The following SYT16 variants were observed in gnomAD, a reference collection of about 807,000 sequenced individuals.
SYT16 encodes the protein synaptotagmin-16.
In SYT16, 42 loss-of-function variants were observed where a neutral mutation model predicts 61.4. The ratio of observed to expected loss-of-function variants is 0.68; its 90% CI spans 0.53 to 0.89. SYT16 has a LOEUF of 0.89. Among genes scored for constraint, SYT16 ranks in the 40% least tolerant of loss-of-function variants. The pLI is 0.00. For missense variants in SYT16, 804 were observed against 807.3 expected, an observed-to-expected ratio of 1.00 and a Z score of 0.05; for synonymous variants, 314 against 302.3, an observed-to-expected ratio of 1.04 and a Z score of -0.40.
chr14:62,105,943 A>C lies in SYT16; in HGVS notation c.*5236A>C, dbSNP rs2057504916. 1 of 152,186 alleles carries C rather than the reference A, an allele frequency of 6.6e-6. No homozygotes were observed. Among genetic ancestry groups the C allele is most frequent in the Admixed American group, 6.5e-5 (1 of 15,272 alleles). The allele number at this position is 152,186 out of a possible 1,614,324, so 9.4% of individuals were successfully genotyped here. Reference sequence around the variant, plus strand: ...CTTAGCTTAGGGCTTTTAGTAGGGAATAATTAAACATGTAGGGAAGGTGAA... The same window carrying C: ...CTTAGCTTAGGGCTTTTAGTAGGGACTAATTAAACATGTAGGGAAGGTGAA... On this transcript the variant is annotated 3_prime_UTR_variant, in exon 8 of 8. Transcript: ENST00000683842.
At chr14:61,974,003 C>T (rs1029659711) in intron 2 of SYT16, among the ~76,000 whole-genome samples, 1 of 152,144 alleles carries the variant, frequency 6.6e-6, no homozygotes, top group Admixed American at 6.5e-5. Context: ...GTGCCGCATG[C>T]TTCTTTTTGG....
intron 3 of SYT16, among the ~76,000 whole-genome samples, chr14:62,028,605 A>C (rs1386249195): frequency 6.6e-6 from 1 of 152,182 alleles, no homozygotes; most frequent in Non-Finnish European, 1.5e-5. Context: ...TTATGTGTTA[A>C]TTATAAGTGT....
chr14:62,075,350 G>A lies in SYT16; in HGVS notation c.952G>A (p.Asp318Asn), dbSNP rs571520640. 7.4e-6 allele frequency: 12 copies of A among 1,613,750 alleles called. No individual in the cohort carries two copies. The South Asian group carries it at 1.1e-4, about 15-fold the overall frequency. The change falls in exon 5 of 8, where the codon GAT (aspartate) becomes AAT (asparagine). Residue 318 changes from aspartate to asparagine, a missense_variant. Coordinates refer to ENST00000683842, the MANE Select transcript of SYT16 (RefSeq NM_001367656.1). ...AGCTTTTAATAGCCGGGGATTTGAA[G>A]ATTCCTATGCCACTGACAGCTCCTC... ...ETAFNSRGFE[D>N]SYATDSSSMW...
chr14:61,848,934 G>C (rs2046525891), intron 1 of SYT16, among the ~76,000 whole-genome samples: 1 of 152,146 alleles, frequency 6.6e-6, no homozygotes, highest in Non-Finnish European at 1.5e-5. Flanking sequence ...CCTGAAGCCA[G>C]CATGTCTCAG....
Position 62,112,538 on chromosome 14 carries a change from C to T in SYT16, c.*11831C>T, listed in dbSNP as rs2057625446. On this transcript the variant is annotated 3_prime_UTR_variant, in exon 8 of 8. Coordinates refer to ENST00000683842, the MANE Select transcript of SYT16 (RefSeq NM_001367656.1). ...ACTGGTTTTATCAATAAAGTTTTAG[C>T]AGATGGCTTATATGTACATGTGTGA... The T allele has an allele frequency of 6.6e-6, 1 of 152,004 alleles. No individual in the cohort carries two copies. The highest frequency in any genetic ancestry group is 1.5e-5 in the Non-Finnish European group (1 of 67,970). The allele number at this position is 152,004 out of a possible 1,614,324, so 9.4% of individuals were successfully genotyped here. A position where few individuals can be genotyped will look rare whatever the true frequency, so the allele number is the denominator to read the frequency against.
At chr14:62,014,166 G>C (rs1268537135) in intron 3 of SYT16, among the ~76,000 whole-genome samples, 1 of 151,884 alleles carries the variant, frequency 6.6e-6, no homozygotes. Flanking sequence ...CTCTAGTCTG[G>C]ACCTCTTTCG....
At chr14:61,983,087 A>T (rs902451685) in intron 2 of SYT16, among the ~76,000 whole-genome samples, 1 of 152,234 alleles carries the variant, frequency 6.6e-6, no homozygotes, top group Non-Finnish European at 1.5e-5. Flanking sequence ...TTTGAACAGA[A>T]TGAATTAGTA....
chr14:61,858,120 C>CAAAAAAAAAAAAAAAAAAAAAGAAAAAA (rs2046833664), intron 1 of SYT16, among the ~76,000 whole-genome samples: 1 of 43,230 alleles, frequency 2.3e-5, no homozygotes, highest in Non-Finnish European at 5.5e-5. Flanking sequence ...CACAGCTTGG[C>CAAAAAAAAAAAAAAAAAAAAAGAAAAAA]AAAAAAAAAA....
At chr14:61,931,107 G>A (rs546597745) in intron 1 of SYT16, among the ~76,000 whole-genome samples, 2 of 152,116 alleles carry the variant, frequency 1.3e-5, no homozygotes, top group Non-Finnish European at 2.9e-5. Flanking sequence ...CAATGCACAT[G>A]CAGATCTCAT....
At chr14:61,832,094 C>A (rs1334656435) in intron 1 of SYT16, 2 of 729,332 alleles carry the variant, frequency 2.7e-6, no homozygotes, top group Non-Finnish European at 5.2e-6. Flanking sequence ...CCCTGTTCAT[C>A]TCAGCAAAGC....
At chr14:61,951,642 A>T (rs1456740191) in intron 1 of SYT16, among the ~76,000 whole-genome samples, 1 of 152,070 alleles carries the variant, frequency 6.6e-6, no homozygotes, top group Non-Finnish European at 1.5e-5. Flanking sequence ...ATTTGTAAAA[A>T]TATTCTCTTT....
chr14:62,039,564 G>A (rs912851808), intron 3 of SYT16, among the ~76,000 whole-genome samples: 10 of 152,006 alleles, frequency 6.6e-5, no homozygotes, highest in East Asian at 1.9e-4. Flanking sequence ...AGTCAAGATA[G>A]AAGACATCAC....
At chr14:62,085,931 C>T (rs1042399019) in intron 7 of SYT16, among the ~76,000 whole-genome samples, 2 of 152,342 alleles carry the variant, frequency 1.3e-5, no homozygotes, top group South Asian at 2.1e-4. Context: ...CTTTTGCTAA[C>T]CTCTTTTGCT....
chr14:61,832,002 C>T (rs1370852688), intron 1 of SYT16: 10 of 656,312 alleles, frequency 1.5e-5, no homozygotes, highest in Admixed American at 4.1e-5. Flanking sequence ...GTACACACAG[C>T]GCTTCTCCCA....
At chr14:61,829,217 A>T (rs2140230739) in intron 1 of SYT16, among the ~76,000 whole-genome samples, 1 of 152,288 alleles carries the variant, frequency 6.6e-6, no homozygotes, top group Admixed American at 6.5e-5. Context: ...TATATCACAA[A>T]AGAAAAAGTG....
intron 3 of SYT16, among the ~76,000 whole-genome samples, chr14:62,045,681 C>G (rs566587182): frequency 4.3e-4 from 65 of 152,238 alleles, no homozygotes; most frequent in African/African-American, 1.3e-3. Flanking sequence ...CAATTCCCAC[C>G]TATGAGTGAG....
At chr14:61,887,183 G>A (rs1411182514) in intron 1 of SYT16, among the ~76,000 whole-genome samples, 2 of 152,176 alleles carry the variant, frequency 1.3e-5, no homozygotes, top group Non-Finnish European at 2.9e-5. Flanking sequence ...GGGTGACAAG[G>A]TGTACTATCA....
chr14:61,922,177 A>G (rs1328516662), intron 1 of SYT16, among the ~76,000 whole-genome samples: 8 of 152,214 alleles, frequency 5.3e-5, no homozygotes, highest in Non-Finnish European at 7.3e-5. Context: ...CAATCCTATT[A>G]CTGGGTATAT....
intron 2 of SYT16, among the ~76,000 whole-genome samples, chr14:61,990,566 A>C (rs1457733004): frequency 6.6e-6 from 1 of 152,338 alleles, no homozygotes; most frequent in East Asian, 1.9e-4. Context: ...TGTCTTTCAG[A>C]ATGTGTCTGA....
Sources: gnomAD v4.1 joint callset for allele counts (sites outside exome capture counted in the v4.1 genomes callset) on GRCh38, gnomAD v4.1.1 for gene constraint, MANE v1.5 for transcripts, NCBI Gene and HGNC (gene_info 2026-07-23, HGNC 2026-07-21) for gene names.